Variants in PSD3 observed in about 807,000 individuals in gnomAD.
The protein encoded by PSD3 is PH and SEC7 domain-containing protein 3.
In PSD3, 49 loss-of-function variants were observed where a neutral mutation model predicts 105.5. The observed-to-expected ratio is 0.46, with a 90% confidence interval of 0.37 to 0.59. The LOEUF is 0.59. Among genes scored for constraint, PSD3 ranks in the 20% least tolerant of loss-of-function variants. PSD3 has a pLI of 0.00. For missense variants in PSD3, 1,561 were observed against 1,263.8 expected (o/e 1.24, Z -3.57); for synonymous variants, 557 against 457.8 (o/e 1.22, Z -2.77).
At chr8:18,904,662 A>T (rs1563404096) in intron 2 of PSD3, among the ~76,000 whole-genome samples, 1 of 152,246 alleles carries the variant, frequency 6.6e-6, no homozygotes, top group Non-Finnish European at 1.5e-5. Context: ...CATCTTCTGT[A>T]ATTATGTTAC....
chr8:18,758,133 T>G (rs1430193765), intron 9 of PSD3, among the ~76,000 whole-genome samples: 2 of 152,190 alleles, frequency 1.3e-5, no homozygotes, highest in Non-Finnish European at 2.9e-5. Context: ...TATAGTATGA[T>G]AGCACAAACC....
At chr8:18,723,341 G>A (rs1034142856) in intron 9 of PSD3, among the ~76,000 whole-genome samples, 1 of 152,164 alleles carries the variant, frequency 6.6e-6, no homozygotes, top group Admixed American at 6.5e-5. Flanking sequence ...TGCAAACTCT[G>A]CAAATGCCTT....
chr8:19,018,029 G>A (rs933096182), upstream of PSD3, among the ~76,000 whole-genome samples: 1 of 152,136 alleles, frequency 6.6e-6, no homozygotes, highest in Non-Finnish European at 1.5e-5. Flanking sequence ...AATGTATGAA[G>A]GTTCTAATTT....
At chr8:19,074,170 C>T (rs1444471311) in intron 1 of PSD3, among the ~76,000 whole-genome samples, 1 of 152,160 alleles carries the variant, frequency 6.6e-6, no homozygotes, top group Non-Finnish European at 1.5e-5. Flanking sequence ...CCAAAGCAAC[C>T]TCAGCTCCCC....
At chr8:18,609,027 A>G (rs1021321573) in intron 11 of PSD3, among the ~76,000 whole-genome samples, 3 of 152,168 alleles carry the variant, frequency 2.0e-5, no homozygotes, top group Admixed American at 6.5e-5. Flanking sequence ...TCAGAAAGTC[A>G]TAATATGGAT....
intron 1 of PSD3, among the ~76,000 whole-genome samples, chr8:19,037,860 T>C (rs956256861): frequency 7.9e-5 from 12 of 151,698 alleles, no homozygotes; most frequent in African/African-American, 2.9e-4. Flanking sequence ...GCCTCCATAA[T>C]CACATAAGAC....
intron 1 of PSD3, among the ~76,000 whole-genome samples, chr8:18,982,090 A>C (rs559722958): frequency 2.0e-5 from 3 of 152,360 alleles, no homozygotes; most frequent in Admixed American, 2.0e-4. Context: ...AACTAAGTTT[A>C]TGGAATATTC....
chr8:18,547,779 T>C (rs920163197), intron 15 of PSD3, among the ~76,000 whole-genome samples: 5 of 152,356 alleles, frequency 3.3e-5, no homozygotes, highest in Non-Finnish European at 7.4e-5. Context: ...GAATTCCTCT[T>C]TGGGTGGAAC....
chr8:18,532,322 T>C lies in PSD3; in HGVS notation c.*3421A>G, dbSNP rs1030674875. On this transcript the variant is annotated 3_prime_UTR_variant, in exon 16 of 16. Coordinates refer to ENST00000327040, the MANE Select transcript of PSD3 (RefSeq NM_015310.4). ...TCTGTAGCTTGGCCACAGGGTGAAA[T>C]ACAAACCTATCTTAGCCTTGGAAAG... 2.0e-5 allele frequency: 3 copies of C among 152,198 alleles called. No homozygotes were observed. The highest frequency in any genetic ancestry group is 3.9e-4 in the East Asian group (2 of 5,182). 9.4% of individuals were successfully genotyped at this position (152,198 alleles called of 1,614,324 possible). A position where few individuals can be genotyped will look rare whatever the true frequency, so the allele number is the denominator to read the frequency against.
intron 4 of PSD3, among the ~76,000 whole-genome samples, chr8:18,816,150 A>C (rs1022976605): frequency 3.9e-5 from 6 of 152,210 alleles, no homozygotes; most frequent in Non-Finnish European, 8.8e-5. Flanking sequence ...AATATGAATG[A>C]ATTAGTAATA....
At chr8:18,769,074 C>G (rs1048324218) in intron 8 of PSD3, among the ~76,000 whole-genome samples, 1 of 150,910 alleles carries the variant, frequency 6.6e-6, no homozygotes, top group Admixed American at 6.7e-5. Context: ...CCAACTGTAT[C>G]AGGTCAAACA....
At chr8:18,736,549 A>G (rs754603810) in intron 9 of PSD3, among the ~76,000 whole-genome samples, 28 of 152,178 alleles carry the variant, frequency 1.8e-4, no homozygotes, top group Non-Finnish European at 3.4e-4. Flanking sequence ...AGAGTTTGAG[A>G]AGGGAATAAT....
intron 9 of PSD3, among the ~76,000 whole-genome samples, chr8:18,695,974 C>CT (rs1415147396): frequency 6.6e-6 from 1 of 152,208 alleles, no homozygotes; most frequent in Admixed American, 6.5e-5. Context: ...TGGGTAGACT[C>CT]TGTGCTGAGC....
intron 1 of PSD3, among the ~76,000 whole-genome samples, chr8:19,028,035 A>G (rs1329180200): frequency 1.3e-5 from 2 of 152,152 alleles, no homozygotes; most frequent in African/African-American, 4.8e-5. Flanking sequence ...TGGCTATGCT[A>G]TTAACACTGT....
At chr8:18,603,491 G>C (rs1027239363) in intron 11 of PSD3, among the ~76,000 whole-genome samples, 2 of 151,992 alleles carry the variant, frequency 1.3e-5, no homozygotes, top group Non-Finnish European at 2.9e-5. Context: ...TTCTATTTTT[G>C]TTTGTATAAT....
At chr8:18,962,458 C>A in intron 1 of PSD3, among the ~76,000 whole-genome samples, 1 of 152,072 alleles carries the variant, frequency 6.6e-6, no homozygotes, top group Non-Finnish European at 1.5e-5. Context: ...AACACACACA[C>A]ACAGCAAAAG....
rs1212601273 is a variant in PSD3, at chr8:18,745,825, C to T, written c.2172+19624G>A. On this transcript the variant is annotated intron_variant, in intron 9 of 15. Coordinates refer to ENST00000327040, the MANE Select transcript of PSD3 (RefSeq NM_015310.4). ...AAAAATTACAAGTTCATATGAATAA[C>T]GTCAACTGGAATCCAATACCACAGG... Among the ~76,000 whole-genome samples the T allele has an allele frequency of 4.6e-5, 7 of 152,320 alleles. No homozygotes were observed. In the East Asian group the frequency reaches 7.7e-4, roughly 17 times the overall value.
intron 10 of PSD3, among the ~76,000 whole-genome samples, chr8:18,649,336 C>T (rs192489833): frequency 6.6e-6 from 1 of 152,174 alleles, no homozygotes; most frequent in African/African-American, 2.4e-5. Context: ...GGAGTCAAAG[C>T]AGGTTATTAT....
intron 9 of PSD3, among the ~76,000 whole-genome samples, chr8:18,718,551 G>T (rs79958664): frequency 6.6e-6 from 1 of 152,304 alleles, no homozygotes; most frequent in East Asian, 1.9e-4. Flanking sequence ...AAACTTTACA[G>T]ATTTGCTAAA....
Sources: gnomAD v4.1 joint callset for allele counts (sites outside exome capture counted in the v4.1 genomes callset) on GRCh38, gnomAD v4.1.1 for gene constraint, MANE v1.5 for transcripts, NCBI Gene and HGNC (gene_info 2026-07-23, HGNC 2026-07-21) for gene names.